Variants in HDAC9 observed in about 807,000 individuals in gnomAD.
HDAC9 encodes the protein histone deacetylase 9.
A neutral mutation model predicts 139.4 loss-of-function variants in HDAC9; 41 were observed. The observed-to-expected ratio is 0.29, with a 90% confidence interval of 0.23 to 0.38. The LOEUF (loss-of-function observed/expected upper bound fraction) is 0.38, where lower values mean the gene tolerates loss of function less well. Among genes scored for constraint, HDAC9 ranks in the 10% least tolerant of loss-of-function variants. The probability of loss-of-function intolerance (pLI) is 1.00; values close to 1 mark genes in which losing one functional copy is unlikely to be tolerated. For synonymous variants in HDAC9, 517 were observed against 476.2 expected, an observed-to-expected ratio of 1.09 and a Z score of -1.12; for missense variants, 1,147 against 1,297.0, an observed-to-expected ratio of 0.88 and a Z score of 1.78.
chr7:18,344,547 T>G (rs1242115675), intron 1 of HDAC9, among the ~76,000 whole-genome samples: 1 of 152,018 alleles, frequency 6.6e-6, no homozygotes, highest in African/African-American at 2.4e-5. Flanking sequence ...ACTTAAATAG[T>G]AAATCAAATT....
chr7:18,718,808 C>G (rs1194730461), intron 12 of HDAC9, among the ~76,000 whole-genome samples: 1 of 152,132 alleles, frequency 6.6e-6, no homozygotes, highest in African/African-American at 2.4e-5. Context: ...ATTGCTGGGT[C>G]ATAGGGTAAC....
chr7:18,094,748 G>C (rs1271692140), intron 1 of HDAC9, among the ~76,000 whole-genome samples: 4 of 152,088 alleles, frequency 2.6e-5, no homozygotes, highest in African/African-American at 9.7e-5. Flanking sequence ...GAGCCACCGT[G>C]CCAGGCCCTT....
At chr7:18,294,491 A>G (rs1434150650) in intron 1 of HDAC9, among the ~76,000 whole-genome samples, 1 of 152,176 alleles carries the variant, frequency 6.6e-6, no homozygotes, top group African/African-American at 2.4e-5. Flanking sequence ...AATGGCATAG[A>G]TGCTTCTAGT....
intron 25 of HDAC9, among the ~76,000 whole-genome samples, chr7:18,994,034 T>C (rs1383425731): frequency 2.0e-5 from 3 of 152,088 alleles, no homozygotes; most frequent in African/African-American, 7.2e-5. Flanking sequence ...TGGCAGTGAG[T>C]GGGTTGCAGT....
intron 1 of HDAC9, among the ~76,000 whole-genome samples, chr7:18,145,799 G>A (rs902921623): frequency 3.2e-4 from 49 of 152,294 alleles, no homozygotes; most frequent in African/African-American, 1.1e-3. Flanking sequence ...AGAGGTGAGT[G>A]AGGAAGTTCC....
intron 17 of HDAC9, among the ~76,000 whole-genome samples, chr7:18,800,885 TG>T (rs571329288): frequency 1.1e-3 from 160 of 152,142 alleles, no homozygotes; most frequent in Middle Eastern, 3.4e-3. Flanking sequence ...AATATATATA[TG>T]TAGGTAATTT....
intron 1 of HDAC9, among the ~76,000 whole-genome samples, chr7:18,407,947 C>G (rs994690533): frequency 1.3e-5 from 2 of 152,114 alleles, no homozygotes; most frequent in Non-Finnish European, 2.9e-5. Context: ...ACTTTGGATT[C>G]TAATGGAGTG....
At chr7:18,936,772 CT>C (rs1258387047) in intron 23 of HDAC9, among the ~76,000 whole-genome samples, 1 of 152,090 alleles carries the variant, frequency 6.6e-6, no homozygotes, top group African/African-American at 2.4e-5. Context: ...TATACAAAAT[CT>C]TTTTAAAAAT....
Position 18,348,191 on chromosome 7 carries a change from C to G in HDAC9, c.-42+57676C>G, listed in dbSNP as rs528021451. Among the ~76,000 whole-genome samples, 14 of 152,170 alleles carry G rather than the reference C, an allele frequency of 9.2e-5. No homozygotes were observed. In the South Asian group the frequency reaches 1.9e-3, roughly 20 times the overall value. On this transcript the variant is annotated intron_variant, in intron 1 of 3. Transcript: ENST00000413509. ...AAGCACCCCAGGTAATTCTTATGAT[C>G]AGGAGAATTTGGGAAACATTTATCT...
intron 12 of HDAC9, among the ~76,000 whole-genome samples, chr7:18,687,974 A>C (rs1181355838): frequency 1.3e-5 from 2 of 151,794 alleles, no homozygotes; most frequent in Non-Finnish European, 2.9e-5. Flanking sequence ...TGTGTGAAGG[A>C]GTGAGGTAGC....
intron 1 of HDAC9, among the ~76,000 whole-genome samples, chr7:18,382,216 T>G (rs1785506099): frequency 6.6e-6 from 1 of 152,092 alleles, no homozygotes. Flanking sequence ...ACAAAAATAG[T>G]TATAGAAAGT....
At position 18,139,798 on chromosome 7, in the gene HDAC9, C is replaced by T. The variant is rs540432711; in HGVS notation, c.-96-22431C>T. 3.6e-4 allele frequency among the ~76,000 whole-genome samples: 55 copies of T among 152,158 alleles called. 1 individual carries two copies. Among genetic ancestry groups the T allele is most frequent in the Admixed American group, 2.6e-3 (40 of 15,266 alleles). ...GAGGGAGACAGAGGGGTATTTAATA[C>T]GTACAGAAGGGAAGAAGGCAATGCG... On this transcript the variant is annotated intron_variant, in intron 1 of 12. Transcript: ENST00000417496.
chr7:18,743,808 A>C (rs1329441233), intron 13 of HDAC9, among the ~76,000 whole-genome samples: 1 of 152,012 alleles, frequency 6.6e-6, no homozygotes, highest in Non-Finnish European at 1.5e-5. Flanking sequence ...GCCACTATGC[A>C]TGAGATTTGA....
At chr7:18,514,805 G>T (rs1392061564) in intron 2 of HDAC9, among the ~76,000 whole-genome samples, 2 of 151,980 alleles carry the variant, frequency 1.3e-5, no homozygotes, top group African/African-American at 4.8e-5. Context: ...TAATTAGCTG[G>T]CTGTTGTGGT....
At chr7:18,356,118 TAAA>T (rs994409904) in intron 1 of HDAC9, among the ~76,000 whole-genome samples, 223 of 151,872 alleles carry the variant, frequency 1.5e-3, no homozygotes, top group African/African-American at 5.2e-3. Flanking sequence ...GTAAAAAAAC[TAAA>T]AAAGAAAAAA....
chr7:18,467,357 T>G (rs1415653018), intron 1 of HDAC9, among the ~76,000 whole-genome samples: 1 of 152,144 alleles, frequency 6.6e-6, no homozygotes, highest in Non-Finnish European at 1.5e-5. Context: ...CCAGTTTATC[T>G]CACTATCATA....
intron 1 of HDAC9, among the ~76,000 whole-genome samples, chr7:18,385,656 A>T (rs1457000166): frequency 6.6e-6 from 1 of 152,218 alleles, no homozygotes; most frequent in African/African-American, 2.4e-5. Flanking sequence ...TTCTTCTGGA[A>T]CTATTCGCTA....
At chr7:18,103,219 A>G (rs750472522) in intron 1 of HDAC9, among the ~76,000 whole-genome samples, 12 of 152,158 alleles carry the variant, frequency 7.9e-5, no homozygotes, top group South Asian at 2.1e-4. Context: ...CACATGATTC[A>G]ATTATCTCCA....
intron 1 of HDAC9, among the ~76,000 whole-genome samples, chr7:18,428,580 C>T (rs1790338152): frequency 6.6e-6 from 1 of 152,116 alleles, no homozygotes; most frequent in Non-Finnish European, 1.5e-5. Context: ...TCACTTTATA[C>T]CTGTTAGGAT....
Sources: gnomAD v4.1 joint callset for allele counts (sites outside exome capture counted in the v4.1 genomes callset) on GRCh38, gnomAD v4.1.1 for gene constraint, MANE v1.5 for transcripts, NCBI Gene and HGNC (gene_info 2026-07-23, HGNC 2026-07-21) for gene names.